Variants in RTF2 observed in about 807,000 individuals in gnomAD.
RTF2 encodes replication termination factor 2.
In RTF2, 18 loss-of-function variants were observed where a neutral mutation model predicts 38.0. The ratio of observed to expected loss-of-function variants is 0.47; its 90% CI spans 0.33 to 0.70. RTF2 has a LOEUF of 0.70. Ranked by LOEUF, RTF2 falls within the 30% of genes least tolerant of loss-of-function variation. The probability of loss-of-function intolerance (pLI) is 0.02; values close to 1 mark genes in which losing one functional copy is unlikely to be tolerated. For synonymous variants in RTF2, 126 were observed against 137.1 expected (o/e 0.92, Z 0.57); for missense variants, 311 against 379.6 (o/e 0.82, Z 1.50).
At chr20:56,506,835 A>G (rs1038736021) in intron 5 of RTF2, among the ~76,000 whole-genome samples, 2 of 152,026 alleles carry the variant, frequency 1.3e-5, no homozygotes, top group African/African-American at 4.8e-5. Flanking sequence ...CGATCAGCTG[A>G]GACTACAGGC....
At chr20:56,506,581 C>T (rs946569986) in intron 5 of RTF2, among the ~76,000 whole-genome samples, 2 of 152,296 alleles carry the variant, frequency 1.3e-5, no homozygotes, top group African/African-American at 4.8e-5. Flanking sequence ...AAAAAAGCAT[C>T]CAGAGGGCAT....
intron 5 of RTF2, 147 bp from the exon 6 acceptor site, chr20:56,513,168 C>T: frequency 1.7e-6 from 2 of 1,161,078 alleles, no homozygotes; most frequent in Non-Finnish European, 2.4e-6. Context: ...CGGGAACTTT[C>T]CAAACCAAGG....
chr20:56,496,727 A>G (rs559780523), intron 5 of RTF2: 3 of 1,552,010 alleles, frequency 1.9e-6, no homozygotes, highest in East Asian at 4.9e-5. Context: ...CATGGATGTC[A>G]GTCAGTATGA....
intron 4 of RTF2, among the ~76,000 whole-genome samples, chr20:56,477,608 C>T (rs368283739): frequency 9.2e-4 from 140 of 152,136 alleles, no homozygotes; most frequent in African/African-American, 3.2e-3. Flanking sequence ...GTCTTGAATT[C>T]CTGGCCTCAA....
At chr20:56,469,769 A>G (rs1435582686) in intron 1 of RTF2, among the ~76,000 whole-genome samples, 1 of 131,858 alleles carries the variant, frequency 7.6e-6, no homozygotes. Context: ...GACCTTGCCT[A>G]TGTTTCTGAC....
chr20:56,507,005 A>G (rs1984323976), intron 5 of RTF2, among the ~76,000 whole-genome samples: 1 of 151,952 alleles, frequency 6.6e-6, no homozygotes, highest in Non-Finnish European at 1.5e-5. Flanking sequence ...TGGCCGTATT[A>G]TGATTTTTTT....
At chr20:56,481,160 A>G (rs925122427) in intron 4 of RTF2, among the ~76,000 whole-genome samples, 5 of 152,202 alleles carry the variant, frequency 3.3e-5, no homozygotes, top group African/African-American at 9.7e-5. Flanking sequence ...AACATACTGA[A>G]AGGTAGCATT....
At chr20:56,473,546 G>C (rs965500240) in intron 2 of RTF2, 151 bp downstream of exon 2, 1 of 600,310 alleles carries the variant, frequency 1.7e-6, no homozygotes, top group Non-Finnish European at 3.0e-6. Flanking sequence ...ACATAGTTCT[G>C]TACTCTTCTA....
chr20:56,514,995 C>T (rs1448340551), intron 6 of RTF2, among the ~76,000 whole-genome samples: 3 of 150,020 alleles, frequency 2.0e-5, no homozygotes, highest in Non-Finnish European at 4.4e-5. Context: ...TGCAGTGAGC[C>T]GAGATCGCAC....
intron 5 of RTF2, among the ~76,000 whole-genome samples, chr20:56,486,231 C>T (rs6099167): frequency 2.5e-4 from 38 of 152,280 alleles, no homozygotes; most frequent in African/African-American, 8.7e-4. Flanking sequence ...AGAAAGTAGA[C>T]TTTAAGCTCA....
chr20:56,509,945 T>A (rs905603159), intron 5 of RTF2, among the ~76,000 whole-genome samples: 5 of 151,364 alleles, frequency 3.3e-5, no homozygotes, highest in African/African-American at 1.2e-4. Flanking sequence ...ATCCATACTA[T>A]AACATGGATA....
intron 5 of RTF2, among the ~76,000 whole-genome samples, chr20:56,488,244 C>T (rs997100593): frequency 1.3e-5 from 2 of 151,882 alleles, no homozygotes; most frequent in Non-Finnish European, 2.9e-5. Context: ...GCCTGTAGTC[C>T]GAACTACTTA....
intron 5 of RTF2, among the ~76,000 whole-genome samples, chr20:56,508,144 A>T (rs1037582387): frequency 6.6e-6 from 1 of 152,200 alleles, no homozygotes; most frequent in African/African-American, 2.4e-5. Flanking sequence ...CCCACCCTAG[A>T]AAAAAAGCTG....
intron 5 of RTF2, among the ~76,000 whole-genome samples, chr20:56,488,349 A>G (rs1453075150): frequency 2.0e-5 from 3 of 150,432 alleles, no homozygotes; most frequent in African/African-American, 7.5e-5. Flanking sequence ...CGACAGAGCT[A>G]GACTCTGTCT....
At chr20:56,507,906 A>G (rs1360558316) in intron 5 of RTF2, among the ~76,000 whole-genome samples, 1 of 152,192 alleles carries the variant, frequency 6.6e-6, no homozygotes, top group Non-Finnish European at 1.5e-5. Context: ...GACCTCCCAT[A>G]GCGTGAGACT....
At chr20:56,517,747 G>C (rs1985141246) in intron 8 of RTF2, among the ~76,000 whole-genome samples, 1 of 152,044 alleles carries the variant, frequency 6.6e-6, no homozygotes, top group African/African-American at 2.4e-5. Flanking sequence ...TAGCATCCAG[G>C]GTGGCTGACA....
At chr20:56,482,495 T>C (rs1450380172) in intron 4 of RTF2, among the ~76,000 whole-genome samples, 1 of 152,226 alleles carries the variant, frequency 6.6e-6, no homozygotes, top group Non-Finnish European at 1.5e-5. Flanking sequence ...CGCATGGATA[T>C]AGAGGATATA....
At chr20:56,489,748 G>A (rs1436001163) in intron 5 of RTF2, among the ~76,000 whole-genome samples, 1 of 152,208 alleles carries the variant, frequency 6.6e-6, no homozygotes, top group African/African-American at 2.4e-5. Context: ...GTGAAGGCAG[G>A]CTTATGTTTT....
intron 5 of RTF2, 39 bp from the exon 6 acceptor site, chr20:56,513,276 T>C: frequency 6.4e-7 from 1 of 1,561,136 alleles, no homozygotes; most frequent in Non-Finnish European, 8.7e-7. Context: ...CCCCATTGAC[T>C]GGTGATGGAA....
Sources: allele counts gnomAD v4.1 joint callset (sites outside exome capture counted in the v4.1 genomes callset), GRCh38; gene constraint gnomAD v4.1.1; transcripts MANE v1.5; gene names NCBI Gene and HGNC (gene_info 2026-07-23, HGNC 2026-07-21).